ADAT2: variants seen among roughly 807,000 people sequenced by gnomAD.
ADAT2 encodes adenosine deaminase tRNA specific 2, also known as tRNA-specific adenosine-34 deaminase catalytic subunit ADAT2.
ADAT2 carries 26 observed loss-of-function variants against 25.9 expected under a neutral mutation model. That is an observed-to-expected ratio of 1.00 (90% CI 0.74 to 1.39). The LOEUF (loss-of-function observed/expected upper bound fraction) is 1.39. ADAT2 is among the 40% of genes most tolerant of loss of function. The pLI, the probability that ADAT2 is intolerant of heterozygous loss-of-function variation, is 0.00. For synonymous variants in ADAT2, 76 were observed against 86.8 expected, an observed-to-expected ratio of 0.88 and a Z score of 0.69; for missense variants, 220 against 244.8, an observed-to-expected ratio of 0.90 and a Z score of 0.68.
chr6:143,435,201 C>CA (rs972542980), intron 2 of ADAT2, among the ~76,000 whole-genome samples: 1 of 147,030 alleles, frequency 6.8e-6, no homozygotes, highest in African/African-American at 2.5e-5. Flanking sequence ...TAGGTGCTTT[C>CA]AAAAAATCAG....
chr6:143,443,966 G>A (rs1475552463), intron 1 of ADAT2, among the ~76,000 whole-genome samples: 3 of 152,208 alleles, frequency 2.0e-5, no homozygotes, highest in Middle Eastern at 3.4e-3. Flanking sequence ...CAAACCTGCA[G>A]AAGAGAATGC....
intron 1 of ADAT2, among the ~76,000 whole-genome samples, chr6:143,439,219 G>T (rs1779383584): frequency 6.6e-6 from 1 of 151,838 alleles, no homozygotes; most frequent in Non-Finnish European, 1.5e-5. Context: ...GAGTTTAGAA[G>T]TACTCTATGT....
intron 3 of ADAT2, 65 bp downstream of exon 3, chr6:143,433,766 G>A (rs1779183737): frequency 8.1e-6 from 12 of 1,474,950 alleles, no homozygotes; most frequent in African/African-American, 4.2e-5. Context: ...AACAGGCTAC[G>A]TGTTTGGCCA....
At position 143,434,485 on chromosome 6, in the gene ADAT2, T is replaced by C. The variant is rs1044204078; in HGVS notation, c.202-504A>G. ...TATATACTGGAAGACTCTAGAGAAG[T>C]AGAGATTTGGTATTGGTTTCAGACA... On this transcript the variant is annotated intron_variant, in intron 2 of 5. Coordinates refer to ENST00000237283, the MANE Select transcript of ADAT2 (RefSeq NM_182503.3). The surrounding 1 kb of genome is among the most constrained non-coding windows in gnomAD (Gnocchi z 4.5). Among the ~76,000 whole-genome samples the C allele has an allele frequency of 2.0e-5, 3 of 152,144 alleles. No homozygotes were observed. Among genetic ancestry groups the C allele is most frequent in the Non-Finnish European group, 4.4e-5 (3 of 68,026 alleles).
rs1779470971 is a variant in ADAT2, at chr6:143,442,006, G to A, written c.97-3312C>T. The A allele has an allele frequency of 6.6e-6, 1 of 152,180 alleles. No homozygotes were observed. The highest frequency in any genetic ancestry group is 6.5e-5 in the Admixed American group (1 of 15,280). The allele number at this position is 152,180 out of a possible 1,614,324, so 9.4% of individuals were successfully genotyped here. On this transcript the variant is annotated intron_variant, in intron 1 of 5. Transcript: ENST00000237283. The surrounding 1 kb of genome is among the most constrained non-coding windows in gnomAD (Gnocchi z 4.6). Reference sequence around the variant, plus strand: ...AAATAGTTTGGCAGTTTCTTAAAAAGCTAAACATGCATTTAACTTATGACC... The same window carrying A: ...AAATAGTTTGGCAGTTTCTTAAAAAACTAAACATGCATTTAACTTATGACC...
rs965292428 is a variant in ADAT2, at chr6:143,428,870, T to A, written c.460-186A>T. ...ATGTTTGATATATCATCTTTTTCAT[T>A]ACTCCCAATCAACTGTTATTAGGCA... is the stretch of plus-strand genomic sequence containing the variant. On this transcript the variant is annotated intron_variant, in intron 4 of 5. Coordinates refer to ENST00000237283, the MANE Select transcript of ADAT2 (RefSeq NM_182503.3). The surrounding 1 kb of genome is among the most constrained non-coding windows in gnomAD (Gnocchi z 5.0). Among the ~76,000 whole-genome samples, 3 of 152,224 alleles carry A rather than the reference T, an allele frequency of 2.0e-5. No individual in the cohort carries two copies. Among genetic ancestry groups the A allele is most frequent in the Non-Finnish European group, 2.9e-5 (2 of 68,042 alleles).
At position 143,434,813 on chromosome 6, in the gene ADAT2, T is replaced by C. The variant is rs1779219185; in HGVS notation, c.202-832A>G. ...CTTAAAGTGAATCATAGATTCTATA[T>C]GGAATAATTATTTATAATATTCATG... is the stretch of plus-strand genomic sequence containing the variant. On this transcript the variant is annotated intron_variant, in intron 2 of 5. Coordinates refer to ENST00000237283, the MANE Select transcript of ADAT2 (RefSeq NM_182503.3). This position sits in a 1 kb window ranked among gnomAD's most constrained non-coding sequence, Gnocchi z 4.5. 6.6e-6 allele frequency among the ~76,000 whole-genome samples: 1 copy of C among 152,210 alleles called. No individual in the cohort carries two copies. Among genetic ancestry groups the C allele is most frequent in the Non-Finnish European group, 1.5e-5 (1 of 68,032 alleles).
At chr6:143,450,253 T>G (rs541702477) in intron 1 of ADAT2, among the ~76,000 whole-genome samples, 1 of 152,068 alleles carries the variant, frequency 6.6e-6, no homozygotes, top group South Asian at 2.1e-4. Context: ...CTTTGTAGAT[T>G]GGAGAGTGTG....
intron 1 of ADAT2, among the ~76,000 whole-genome samples, 193 bp downstream of exon 1, chr6:143,450,370 C>A (rs1779727144): frequency 6.6e-6 from 1 of 152,198 alleles, no homozygotes. Context: ...ATTTCCTCCC[C>A]TTCCTTCGCC....
Position 143,437,530 on chromosome 6 carries a change from A to T in ADAT2, c.201+1060T>A, listed in dbSNP as rs928884246. 1.3e-5 allele frequency among the ~76,000 whole-genome samples: 2 copies of T among 152,206 alleles called. No individual in the cohort carries two copies. The highest frequency in any genetic ancestry group is 2.9e-5 in the Non-Finnish European group (2 of 68,016). On this transcript the variant is annotated intron_variant, in intron 2 of 5. Coordinates refer to ENST00000237283, the MANE Select transcript of ADAT2 (RefSeq NM_182503.3). The surrounding 1 kb of genome is among the most constrained non-coding windows in gnomAD (Gnocchi z 4.1). Reference sequence around the variant, plus strand: ...TGTCAAGCATTGCAAATGAAATACCATGTTTATTCCAGTTTATTTTACTGT... The same window carrying T: ...TGTCAAGCATTGCAAATGAAATACCTTGTTTATTCCAGTTTATTTTACTGT...
intron 4 of ADAT2, among the ~76,000 whole-genome samples, chr6:143,430,916 T>G (rs950624456): frequency 6.6e-6 from 1 of 152,228 alleles, no homozygotes; most frequent in Non-Finnish European, 1.5e-5. Context: ...AATCACCATC[T>G]TCTTTGAAAA....
At position 143,432,779 on chromosome 6, in the gene ADAT2, GA is replaced by G. The variant is rs1237571390; in HGVS notation, c.353-169del. Among the ~76,000 whole-genome samples, 1 of 152,198 alleles carries G rather than the reference GA, an allele frequency of 6.6e-6. No homozygotes were observed. Among genetic ancestry groups the G allele is most frequent in the Non-Finnish European group, 1.5e-5 (1 of 68,032 alleles). On this transcript the variant is annotated intron_variant, in intron 3 of 5. Transcript: ENST00000237283. The surrounding 1 kb of genome is among the most constrained non-coding windows in gnomAD (Gnocchi z 4.4). ...AACCATACAATCCAGCTACACAGAA[GA>G]AAAGGGGTTAAAGTATTGAGAAATT...
At chr6:143,449,241 G>C (rs796945287) in intron 1 of ADAT2, among the ~76,000 whole-genome samples, 1 of 152,028 alleles carries the variant, frequency 6.6e-6, no homozygotes. Flanking sequence ...TAGTAGTGAC[G>C]GGGTCTGGCT....
intron 1 of ADAT2, among the ~76,000 whole-genome samples, chr6:143,449,244 G>T (rs1459766217): frequency 6.6e-6 from 1 of 152,112 alleles, no homozygotes; most frequent in Non-Finnish European, 1.5e-5. Flanking sequence ...TAGTGACGGG[G>T]TCTGGCTAAG....
rs1425499176 is a variant in ADAT2, at chr6:143,438,775, C to A, written c.97-81G>T. On this transcript the variant is annotated intron_variant, in intron 1 of 5. Transcript: ENST00000237283. ...AGGAGAGAAAGAGATGCAGCATGAA[C>A]AAGATACACATGTACAAAGACTGAA... 2.7e-6 allele frequency: 3 copies of A among 1,116,430 alleles called. No homozygotes were observed. In the South Asian group the frequency reaches 3.8e-5, roughly 14 times the overall value. The allele number at this position is 1,116,430 out of a possible 1,614,324, so 69.2% of individuals were successfully genotyped here.
chr6:143,447,243 T>C (rs1172550379), intron 1 of ADAT2, among the ~76,000 whole-genome samples: 1 of 152,204 alleles, frequency 6.6e-6, no homozygotes, highest in African/African-American at 2.4e-5. Flanking sequence ...TTCACCTTAA[T>C]TAATTTAAAC....
At position 143,428,289 on chromosome 6, in the gene ADAT2, A is replaced by G. The variant is rs190080800; in HGVS notation, c.*174T>C. 3,790 of 659,746 alleles carry G rather than the reference A, an allele frequency of 5.7e-3. 22 individuals are homozygous for G. The highest frequency in any genetic ancestry group is 9.8e-3 in the Middle Eastern group (23 of 2,352). 40.9% of individuals were successfully genotyped at this position (659,746 alleles called of 1,614,324 possible). ...AAGCTAATAACTGTTTACAATTGTC[A>G]GACTTCTAAAAAGTGCTAATTTGTT... is the stretch of plus-strand genomic sequence containing the variant. On this transcript the variant is annotated 3_prime_UTR_variant, in exon 6 of 6. Coordinates refer to ENST00000237283, the MANE Select transcript of ADAT2 (RefSeq NM_182503.3). This position sits in a 1 kb window ranked among gnomAD's most constrained non-coding sequence, Gnocchi z 5.0.
chr6:143,434,132 C>T lies in ADAT2; in HGVS notation c.202-151G>A, dbSNP rs1187065067. 3.3e-6 allele frequency: 3 copies of T among 908,832 alleles called. No homozygotes were observed. Among genetic ancestry groups the T allele is most frequent in the East Asian group, 2.5e-5 (1 of 39,582 alleles). 56.3% of individuals were successfully genotyped at this position (908,832 alleles called of 1,614,324 possible). ...TCAAGACACCCTTAGCAGTGGACAA[C>T]GTATTCCCCAATTCAAGTACCATAA... On this transcript the variant is annotated intron_variant, in intron 2 of 5. Coordinates refer to ENST00000237283, the MANE Select transcript of ADAT2 (RefSeq NM_182503.3). The surrounding 1 kb of genome is among the most constrained non-coding windows in gnomAD (Gnocchi z 4.5).
At position 143,426,793 on chromosome 6, in the gene ADAT2, C is replaced by T. The variant is rs770850163; in HGVS notation, c.*1670G>A. On this transcript the variant is annotated 3_prime_UTR_variant, in exon 6 of 6. Coordinates refer to ENST00000237283, the MANE Select transcript of ADAT2 (RefSeq NM_182503.3). The surrounding 1 kb of genome is among the most constrained non-coding windows in gnomAD (Gnocchi z 4.1). ...AAATGTTTACCAAGAACCTACTGGA[C>T]ATAAGATGCTCAGCCAGACTTACTG... 4 of 152,086 alleles carry T rather than the reference C, an allele frequency of 2.6e-5. No individual in the cohort carries two copies. The highest frequency in any genetic ancestry group is 4.4e-5 in the Non-Finnish European group (3 of 68,030). 9.4% of individuals were successfully genotyped at this position (152,086 alleles called of 1,614,324 possible). A position where few individuals can be genotyped will look rare whatever the true frequency, so the allele number is the denominator to read the frequency against.
Sources: gnomAD v4.1 joint callset for allele counts (sites outside exome capture counted in the v4.1 genomes callset) on GRCh38, gnomAD v4.1.1 for gene constraint, Gnocchi (gnomAD v3.1) non-coding constraint, MANE v1.5 for transcripts, NCBI Gene and HGNC (gene_info 2026-07-23, HGNC 2026-07-21) for gene names.